The following MLLT1 variants were observed in gnomAD, a reference collection of about 807,000 sequenced individuals.
MLLT1 encodes the protein MLLT1 super elongation complex subunit.
A neutral mutation model predicts 55.1 loss-of-function variants in MLLT1; 11 were observed. The observed-to-expected ratio is 0.20, with a 90% CI of 0.13 to 0.33. MLLT1 has a LOEUF of 0.33. Ranked by LOEUF, MLLT1 falls within the 10% of genes least tolerant of loss-of-function variation. MLLT1 has a pLI of 1.00. For missense variants in MLLT1, 536 were observed against 760.6 expected (o/e 0.70, Z 3.47); for synonymous variants, 323 against 320.1 (o/e 1.01, Z -0.10).
Position 6,246,781 on chromosome 19 carries a change from GA to G in MLLT1, c.276+15446del, listed in dbSNP as rs1293680950. Among the ~76,000 whole-genome samples, 4 of 152,320 alleles carry G rather than the reference GA, an allele frequency of 2.6e-5. No homozygotes were observed. The East Asian group carries it at 7.7e-4, about 29-fold the overall frequency. On this transcript the variant is annotated intron_variant, in intron 3 of 11. Coordinates refer to ENST00000252674, the MANE Select transcript of MLLT1 (RefSeq NM_005934.4). The stretch of plus-strand genomic sequence containing the variant: ...TCAGTAACTAATAACCGGATGGGCA[GA>G]GGGGGCAGACCCAAGATGAAATGCA...
In MLLT1 at chr19:6,216,435, G is replaced by A. The variant is rs1293851158; in HGVS notation, c.1277C>T (p.Ala426Val). The A allele has an allele frequency of 2.3e-5, 37 of 1,609,228 alleles. No individual in the cohort carries two copies. Among genetic ancestry groups the A allele is most frequent in the Middle Eastern group, 1.8e-4 (1 of 5,660 alleles). Residue 426 changes from alanine to valine, a missense_variant, in exon 8 of 12, where the codon GCC (alanine) becomes GTC (valine). Ala to Val is a moderately conservative substitution (Grantham distance 64). Around this residue, in one of 3 missense-constraint regions of MLLT1, gnomAD observed 449 missense variants for 489.0 expected, o/e 0.92. Coordinates refer to ENST00000252674, the MANE Select transcript of MLLT1 (RefSeq NM_005934.4). The stretch of plus-strand genomic sequence containing the variant: ...GTCCCTCCCCGGGTTGGTCTTGCCG[G>A]CAGCCTCCTCGCCTGACGAAGAGTC... The part of the protein sequence containing the change: ...EDDSSSGEEA[A>V]GKTNPGRDSR...
rs770427259 is a variant in MLLT1, at chr19:6,230,747, A to G, written c.277-34T>C. ...GAGAAAACAAGAAAGTCTGCATCAG[A>G]GGGTGGCCGTGGTGCAGGGACACAG... On this transcript the variant is annotated intron_variant, in intron 3 of 11. Coordinates refer to ENST00000252674, the MANE Select transcript of MLLT1 (RefSeq NM_005934.4). This position sits in a 1 kb window ranked among gnomAD's most constrained non-coding sequence, Gnocchi z 9.0. 3 of 1,611,846 alleles carry G rather than the reference A, an allele frequency of 1.9e-6. No individual in the cohort carries two copies. The South Asian group carries it at 3.3e-5, about 18-fold the overall frequency.
chr19:6,241,119 G>C (rs978891294), intron 3 of MLLT1, among the ~76,000 whole-genome samples: 2 of 152,218 alleles, frequency 1.3e-5, no homozygotes, highest in South Asian at 4.1e-4. Flanking sequence ...GCCAGGCTGA[G>C]AGCAGCTGAG....
At position 6,222,757 on chromosome 19, in the gene MLLT1, C is replaced by T. The variant is rs1325984954; in HGVS notation, c.547-73G>A. On this transcript the variant is annotated intron_variant, in intron 5 of 11. Coordinates refer to ENST00000252674, the MANE Select transcript of MLLT1 (RefSeq NM_005934.4). The surrounding 1 kb of genome is among the most constrained non-coding windows in gnomAD (Gnocchi z 4.1). ...GGCATTGCGGGGCGCCCTGCTCCGCCACCCCTGACCCCTACAAAGCATAAT... is the reference window on the plus strand; with the variant it reads ...GGCATTGCGGGGCGCCCTGCTCCGCTACCCCTGACCCCTACAAAGCATAAT... The T allele has an allele frequency of 1.4e-5, 18 of 1,255,398 alleles. No individual in the cohort carries two copies. The African/African-American group carries it at 2.4e-4, about 17-fold the overall frequency. 77.8% of individuals were successfully genotyped at this position (1,255,398 alleles called of 1,614,324 possible).
intron 3 of MLLT1, among the ~76,000 whole-genome samples, chr19:6,239,495 A>C (rs2091095143): frequency 6.6e-6 from 1 of 152,188 alleles, no homozygotes; most frequent in African/African-American, 2.4e-5. Flanking sequence ...CCGGAGGGCC[A>C]CGGGCAGGGA....
chr19:6,269,881 A>C (rs962992600), intron 2 of MLLT1, among the ~76,000 whole-genome samples: 9 of 152,110 alleles, frequency 5.9e-5, no homozygotes, highest in African/African-American at 2.2e-4. Flanking sequence ...CACACTGGCG[A>C]CTCAGCGGTA....
At chr19:6,237,369 T>TGTCTCCTGGCC (rs2091072172) in intron 3 of MLLT1, among the ~76,000 whole-genome samples, 2 of 152,168 alleles carry the variant, frequency 1.3e-5, no homozygotes, top group South Asian at 4.1e-4. Context: ...CGACCCTGGC[T>TGTCTCCTGGCC]GTCTCCTGGC....
At chr19:6,259,799 TAAAAAAAAAAAA>T (rs60832951) in intron 3 of MLLT1, 3 of 70,138 alleles carry the variant, frequency 4.3e-5, no homozygotes, top group Middle Eastern at 9.8e-3. Flanking sequence ...AAACATGACT[TAAAAAAAAAAAA>T]AAAAAAAAAC....
At chr19:6,244,043 CAAAAAAAAAA>C (rs1179461309) in intron 3 of MLLT1, among the ~76,000 whole-genome samples, 13 of 45,218 alleles carry the variant, frequency 2.9e-4, no homozygotes, top group African/African-American at 1.0e-3. Flanking sequence ...GACTCCACCT[CAAAAAAAAAA>C]AAAAAAAAAA....
At position 6,230,921 on chromosome 19, in the gene MLLT1, A is replaced by G. The variant is rs1815974774; in HGVS notation, c.277-208T>C. ...CTATGTGCAGCTAACTGGGTCTTGC[A>G]GGCCCCATGGCAGAAAGAAAGCTCA... On this transcript the variant is annotated intron_variant, in intron 3 of 11. Transcript: ENST00000252674. This position sits in a 1 kb window ranked among gnomAD's most constrained non-coding sequence, Gnocchi z 9.0. Among the ~76,000 whole-genome samples the G allele has an allele frequency of 6.6e-6, 1 of 152,162 alleles. No individual in the cohort carries two copies. Among genetic ancestry groups the G allele is most frequent in the Non-Finnish European group, 1.5e-5 (1 of 68,028 alleles).
Position 6,262,911 on chromosome 19 carries a change from C to T in MLLT1, c.194-601G>A, listed in dbSNP as rs774082257. Among the ~76,000 whole-genome samples, 2 of 152,018 alleles carry T rather than the reference C, an allele frequency of 1.3e-5. No individual in the cohort carries two copies. Among genetic ancestry groups the T allele is most frequent in the African/African-American group, 2.4e-5 (1 of 41,400 alleles). On this transcript the variant is annotated intron_variant, in intron 2 of 11. Transcript: ENST00000252674. The surrounding 1 kb of genome is among the most constrained non-coding windows in gnomAD (Gnocchi z 4.4). ...AAAAAGAAAAAAAAAAGGCCGGACA[C>T]GGTGGCTCACACCTGTAATCCCAGC...
At chr19:6,276,297 G>C (rs2091427793) in intron 1 of MLLT1, among the ~76,000 whole-genome samples, 1 of 152,148 alleles carries the variant, frequency 6.6e-6, no homozygotes, top group Non-Finnish European at 1.5e-5. Flanking sequence ...GGGCAGGTTT[G>C]GGGAGCAGCC....
At position 6,222,075 on chromosome 19, in the gene MLLT1, A is replaced by G. The variant is rs772902351; in HGVS notation, c.1110+46T>C. The G allele has an allele frequency of 7.0e-7, 1 of 1,422,056 alleles. No individual in the cohort carries two copies. The highest frequency in any genetic ancestry group is 1.6e-5 in the South Asian group (1 of 61,308). 88.1% of individuals were successfully genotyped at this position (1,422,056 alleles called of 1,614,324 possible). ...CTGTTCCAGAAGGGAGGCGGGTCCC[A>G]CCACACTGCCTGCACCTGGCTGCCC... On this transcript the variant is annotated intron_variant, in intron 6 of 11. Coordinates refer to ENST00000252674, the MANE Select transcript of MLLT1 (RefSeq NM_005934.4). This position sits in a 1 kb window ranked among gnomAD's most constrained non-coding sequence, Gnocchi z 4.1.
intron 1 of MLLT1, among the ~76,000 whole-genome samples, chr19:6,277,125 G>C (rs1249162615): frequency 6.6e-6 from 1 of 152,216 alleles, no homozygotes; most frequent in South Asian, 2.1e-4. Flanking sequence ...CAAGAGTCCC[G>C]CAGGGACACT....
chr19:6,278,357 G>C (rs1202330560), intron 1 of MLLT1, among the ~76,000 whole-genome samples: 1 of 152,172 alleles, frequency 6.6e-6, no homozygotes, highest in Non-Finnish European at 1.5e-5. Context: ...GGGGTGCCAG[G>C]GTGCAGGAAG....
intron 3 of MLLT1, among the ~76,000 whole-genome samples, chr19:6,232,701 G>A (rs977185467): frequency 5.9e-5 from 9 of 152,206 alleles, no homozygotes; most frequent in Non-Finnish European, 7.3e-5. Flanking sequence ...ACCTTGGCGG[G>A]TGGGAAGTGC....
chr19:6,214,020 G>T lies in MLLT1; in HGVS notation c.1326C>A (p.Ser442Arg). 3 of 1,446,460 alleles carry T rather than the reference G, an allele frequency of 2.1e-6. No homozygotes were observed. The highest frequency in any genetic ancestry group is 2.7e-6 in the Non-Finnish European group (3 of 1,101,310). 89.6% of individuals were successfully genotyped at this position (1,446,460 alleles called of 1,614,324 possible). A position where few individuals can be genotyped will look rare whatever the true frequency, so the allele number is the denominator to read the frequency against. ...AGGAGTCGGCGCTGTTGTCACTCTCGCTGTCGCTGAAGCTCAACCTGAACC... is the reference window on the plus strand; with the variant it reads ...AGGAGTCGGCGCTGTTGTCACTCTCTCTGTCGCTGAAGCTCAACCTGAACC... ...GRDSRLSFSD[S>R]ESDNSADSSL... is the part of the protein sequence containing the mutation. The change falls in exon 9 of 12, where the codon AGC (serine) becomes AGA (arginine). Residue 442 changes from serine to arginine, a missense_variant. By Grantham distance (110) the Ser-to-Arg change is moderately radical. Coordinates refer to ENST00000252674, the MANE Select transcript of MLLT1 (RefSeq NM_005934.4).
rs2090981878 is a variant in MLLT1 at position 6,229,092 on chromosome 19, A to G, written c.420+1478T>C. ...GCTGCAGCCCAGAGCGGCCCAGGGA[A>G]CGCCACTTCCCACAGCCACGCCACC... is the stretch of plus-strand genomic sequence containing the variant. On this transcript the variant is annotated intron_variant, in intron 4 of 11. Coordinates refer to ENST00000252674, the MANE Select transcript of MLLT1 (RefSeq NM_005934.4). The surrounding 1 kb of genome is among the most constrained non-coding windows in gnomAD (Gnocchi z 5.2). Among the ~76,000 whole-genome samples the G allele has an allele frequency of 6.6e-6, 1 of 152,166 alleles. No homozygotes were observed. Among genetic ancestry groups the G allele is most frequent in the Admixed American group, 6.5e-5 (1 of 15,290 alleles).
At chr19:6,278,129 C>T (rs1380395993) in intron 1 of MLLT1, among the ~76,000 whole-genome samples, 3 of 152,232 alleles carry the variant, frequency 2.0e-5, no homozygotes, top group Admixed American at 2.0e-4. Context: ...GCGCCAGCAG[C>T]CAGGGACGCC....
Sources: allele counts gnomAD v4.1 joint callset (sites outside exome capture counted in the v4.1 genomes callset), GRCh38; gene constraint gnomAD v4.1.1; regional missense constraint gnomAD v4.1.1; non-coding constraint Gnocchi (gnomAD v3.1); transcripts MANE v1.5; gene names NCBI Gene and HGNC (gene_info 2026-07-23, HGNC 2026-07-21).